Variants in SNAPC4 observed in about 807,000 individuals in gnomAD.
SNAPC4 encodes the protein small nuclear RNA activating complex polypeptide 4, also known as snRNA-activating protein complex subunit 4.
In SNAPC4, 127 loss-of-function variants were observed where a neutral mutation model predicts 151.3. That is an observed-to-expected ratio of 0.84 (90% CI 0.73 to 0.97). The LOEUF (loss-of-function observed/expected upper bound fraction) is 0.97, where lower values mean the gene tolerates loss of function less well. Ranked by LOEUF, SNAPC4 falls within the 50% of genes least tolerant of loss-of-function variation. The pLI, the probability that SNAPC4 is intolerant of heterozygous loss-of-function variation, is 0.00. For missense variants in SNAPC4, 2,186 were observed against 1,935.0 expected, an observed-to-expected ratio of 1.13 and a Z score of -2.43; for synonymous variants, 1,002 against 824.4, an observed-to-expected ratio of 1.22 and a Z score of -3.69.
At chr9:136,384,132 G>T in intron 14 of SNAPC4, 100 bp from the exon 15 acceptor site, 1 of 938,440 alleles carries the variant, frequency 1.1e-6, no homozygotes, top group South Asian at 1.6e-5. Context: ...CCATCAGAGT[G>T]GAGCCTCCTG....
In SNAPC4 at chr9:136,392,107, C is replaced by G; in HGVS notation, c.811-1G>C. On this transcript the variant is annotated splice_acceptor_variant, in intron 9 of 23. Coordinates refer to ENST00000684778, the MANE Select transcript of SNAPC4 (RefSeq NM_003086.4). LOFTEE classifies it high-confidence loss of function. ...CCTCTGCACTGCGGCTGCCTTCAAA[C>G]TGCACCGACAGAGACACTCAGCCTT... is the stretch of plus-strand genomic sequence containing the variant. 6.2e-7 allele frequency: 1 copy of G among 1,611,762 alleles called. No individual in the cohort carries two copies. Among genetic ancestry groups the G allele is most frequent in the Non-Finnish European group, 8.5e-7 (1 of 1,180,002 alleles).
At chr9:136,389,029 T>C (rs1833982778) in intron 10 of SNAPC4, among the ~76,000 whole-genome samples, 1 of 152,098 alleles carries the variant, frequency 6.6e-6, no homozygotes, top group Non-Finnish European at 1.5e-5. Context: ...CTAAGGGGTA[T>C]GGGGTGGAGG....
At chr9:136,399,236 C>G (rs1439705510) in intron 1 of SNAPC4, among the ~76,000 whole-genome samples, 1 of 152,240 alleles carries the variant, frequency 6.6e-6, no homozygotes, top group Non-Finnish European at 1.5e-5. Context: ...GTGGCTCTCC[C>G]TGCTGGAGGC....
intron 2 of SNAPC4, 50 bp from the exon 3 acceptor site, chr9:136,397,073 G>C (rs1438805033): frequency 6.5e-7 from 1 of 1,535,008 alleles, no homozygotes. Flanking sequence ...TCTTGGGCAG[G>C]GTGGGGGCGC....
chr9:136,383,566 T>G lies in SNAPC4; in HGVS notation c.1603A>C (p.Ser535Arg). ...TCGCTGCTGCTGCTGCTGCTGCTGC[T>G]GCTCCCTCCACTGCTGCCACTGCTG... is the stretch of plus-strand genomic sequence containing the variant. ...GSSSGSSGGS[S>R]SSSSSSSEED... Residue 535 changes from serine to arginine, a missense_variant, in exon 16 of 24, where the codon AGC becomes CGC. Transcript: ENST00000684778. This position sits in a 1 kb window ranked among gnomAD's most constrained non-coding sequence, Gnocchi z 4.2. The G allele has an allele frequency of 6.2e-7, 1 of 1,608,032 alleles. No individual in the cohort carries two copies. The highest frequency in any genetic ancestry group is 8.5e-7 in the Non-Finnish European group (1 of 1,177,792).
intron 7 of SNAPC4, 112 bp from the exon 8 acceptor site, chr9:136,392,889 CCCTCACCCTCCCTGCCTCGGCCT>C (rs1230687636): frequency 1.2e-6 from 1 of 828,840 alleles, no homozygotes; most frequent in African/African-American, 1.7e-5. Flanking sequence ...TTCCGAGCCT[CCCTCACCCTCCCTGCCTCGGCCT>C]CCTCACCCAT....
At position 136,398,286 on chromosome 9, in the gene SNAPC4, A is replaced by G; in HGVS notation, c.130+13T>C. The G allele has an allele frequency of 6.2e-7, 1 of 1,609,962 alleles. No individual in the cohort carries two copies. Among genetic ancestry groups the G allele is most frequent in the Non-Finnish European group, 8.5e-7 (1 of 1,176,852 alleles). On this transcript the variant is annotated intron_variant, in intron 2 of 23. Coordinates refer to ENST00000684778, the MANE Select transcript of SNAPC4 (RefSeq NM_003086.4). ...TTACCAGGACCCCAGGAGGCTAGGT[A>G]CAAGGGGCTTACCTGCTTCAGAATC...
chr9:136,394,787 C>A lies in SNAPC4; in HGVS notation c.550+13G>T. 2 of 1,612,960 alleles carry A rather than the reference C, an allele frequency of 1.2e-6. No homozygotes were observed. Among genetic ancestry groups the A allele is most frequent in the Non-Finnish European group, 1.7e-6 (2 of 1,179,334 alleles). ...AAGCTCAGGGGTGCCGCAGGGCCGG[C>A]CAGGGCTCTTACATTTGGTCACAAG... is the stretch of plus-strand genomic sequence containing the variant. On this transcript the variant is annotated intron_variant, in intron 6 of 23. Coordinates refer to ENST00000684778, the MANE Select transcript of SNAPC4 (RefSeq NM_003086.4).
rs758827798 is a variant in SNAPC4 at position 136,378,272 on chromosome 9, A to G, written c.3555T>C (p.Pro1185=). Residue 1185 remains proline (P), a synonymous_variant, in exon 22 of 24, where the codon CCT becomes CCC. Transcript: ENST00000684778. The part of the protein sequence containing the change: ...PGEAQVAREI[P]EPRTSSHADP... ...CAGCGTGGGAGGACGTCCTGGGCTC[A>G]GGTATCTCCCTGGCCACCTGGGCCT... 1 of 1,606,550 alleles carries G rather than the reference A, an allele frequency of 6.2e-7. No homozygotes were observed. The highest frequency in any genetic ancestry group is 8.5e-7 in the Non-Finnish European group (1 of 1,177,216).
chr9:136,385,831 G>C, intron 13 of SNAPC4, among the ~76,000 whole-genome samples: 1 of 152,078 alleles, frequency 6.6e-6, no homozygotes, highest in Admixed American at 6.6e-5. Context: ...TAGGATTACA[G>C]GCGTGAGCCA....
intron 13 of SNAPC4, 148 bp from the exon 14 acceptor site, chr9:136,384,962 C>A (rs756503916): frequency 1.9e-6 from 1 of 524,914 alleles, no homozygotes; most frequent in Non-Finnish European, 3.3e-6. Context: ...TCATCAAAAG[C>A]TAAAGCTTTT....
Position 136,383,554 on chromosome 9 carries a change from T to A in SNAPC4, c.1615A>T (p.Ser539Cys). Residue 539 changes from serine to cysteine, a missense_variant, in exon 16 of 24, where the codon AGC becomes TGC. Transcript: ENST00000684778. This position sits in a 1 kb window ranked among gnomAD's most constrained non-coding sequence, Gnocchi z 4.2. Reference protein sequence around the residue: ...GSSGGSSSSSSSSSEEDEPEQ... With the variant: ...GSSGGSSSSSCSSSEEDEPEQ... ...GGCTCGTCCTCCTCGCTGCTGCTGC[T>A]GCTGCTGCTGCTGCTCCCTCCACTG... The A allele has an allele frequency of 6.2e-7, 1 of 1,604,668 alleles. No individual in the cohort carries two copies. Among genetic ancestry groups the A allele is most frequent in the Non-Finnish European group, 8.5e-7 (1 of 1,175,992 alleles).
At chr9:136,394,443 G>A (rs1834189609) in intron 6 of SNAPC4, 113 bp from the exon 7 acceptor site, 1 of 892,266 alleles carries the variant, frequency 1.1e-6, no homozygotes, top group South Asian at 1.3e-5. Context: ...CAGCGAGTAA[G>A]CAGCACGCCA....
intron 2 of SNAPC4, among the ~76,000 whole-genome samples, chr9:136,397,729 G>A: frequency 7.5e-6 from 1 of 134,064 alleles, no homozygotes; most frequent in African/African-American, 2.8e-5. Flanking sequence ...GGGGAGGAGA[G>A]CACTTGGGGT....
intron 22 of SNAPC4, among the ~76,000 whole-genome samples, chr9:136,376,988 C>T (rs1393539277): frequency 6.6e-6 from 1 of 152,200 alleles, no homozygotes; most frequent in Non-Finnish European, 1.5e-5. Context: ...AAGTGGGCAC[C>T]CTGGCACCAG....
chr9:136,387,057 A>G (rs1424519677), intron 13 of SNAPC4, among the ~76,000 whole-genome samples: 3 of 152,338 alleles, frequency 2.0e-5, no homozygotes, highest in Middle Eastern at 3.4e-3. Context: ...GGAAATATAC[A>G]CTTTAAATGA....
At chr9:136,397,580 G>A (rs1456892325) in intron 2 of SNAPC4, among the ~76,000 whole-genome samples, 2 of 133,224 alleles carry the variant, frequency 1.5e-5, no homozygotes, top group South Asian at 2.6e-4. Context: ...GCTGTGGGGT[G>A]GGGAGCCTAT....
In SNAPC4 at chr9:136,376,480, C is replaced by G. The variant is rs564004771; in HGVS notation, c.4286G>C (p.Gly1429Ala). ...GCTTATCPIQ[G>A]APDSGKCSAS... is the part of the protein sequence containing the mutation. ...AGAGCATTTACCAGAGTCTGGGGCT[C>G]CCTGAAAGAAAATCCAGGCAGTGGG... Residue 1429 changes from glycine (G) to alanine (A), a missense_variant and splice_region_variant, in exon 23 of 24, where the codon GGA becomes GCA. By Grantham distance (60) the Gly-to-Ala change is moderately conservative. Transcript: ENST00000684778. The G allele has an allele frequency of 4.3e-6, 7 of 1,613,044 alleles. No individual in the cohort carries two copies. The highest frequency in any genetic ancestry group is 5.9e-6 in the Non-Finnish European group (7 of 1,179,758).
intron 13 of SNAPC4, among the ~76,000 whole-genome samples, chr9:136,385,295 A>T (rs1209379115): frequency 1.3e-5 from 2 of 152,214 alleles, no homozygotes; most frequent in Non-Finnish European, 2.9e-5. Context: ...TGCTGGTGAG[A>T]GTGTGGAAAA....
Sources: allele counts gnomAD v4.1 joint callset (sites outside exome capture counted in the v4.1 genomes callset), GRCh38; gene constraint gnomAD v4.1.1; non-coding constraint Gnocchi (gnomAD v3.1); transcripts MANE v1.5; gene names NCBI Gene and HGNC (gene_info 2026-07-23, HGNC 2026-07-21).